The following RERE variants were observed in gnomAD, a reference collection of about 807,000 sequenced individuals.
RERE encodes arginine-glutamic acid dipeptide repeats protein.
In RERE, 40 loss-of-function variants were observed where a neutral mutation model predicts 146.1. The ratio of observed to expected loss-of-function variants is 0.27; its 90% CI spans 0.21 to 0.36. The LOEUF is 0.36. Ranked by LOEUF, RERE falls within the 10% of genes least tolerant of loss-of-function variation. The probability of loss-of-function intolerance (pLI) is 1.00; values close to 1 mark genes in which losing one functional copy is unlikely to be tolerated. For synonymous variants in RERE, 1,003 were observed against 866.0 expected (o/e 1.16, Z -2.78); for missense variants, 1,933 against 2,138.7 (o/e 0.90, Z 1.90).
At chr1:8,550,686 A>G (rs1645923995) in intron 6 of RERE, among the ~76,000 whole-genome samples, 2 of 152,156 alleles carry the variant, frequency 1.3e-5, no homozygotes, top group Admixed American at 6.5e-5. Context: ...ACCTGGGACT[A>G]CAGGCACCAG....
chr1:8,358,125 G>A, intron 20 of RERE, 71 bp downstream of exon 20: 1 of 1,523,242 alleles, frequency 6.6e-7, no homozygotes, highest in South Asian at 1.3e-5. Flanking sequence ...CTCCTGGATG[G>A]TGACTGTCAC....
chr1:8,432,180 G>C (rs1267608618), intron 11 of RERE, among the ~76,000 whole-genome samples: 3 of 152,156 alleles, frequency 2.0e-5, no homozygotes, highest in Non-Finnish European at 2.9e-5. Context: ...CTGCTAGTTA[G>C]TTAACAGCCT....
chr1:8,361,712 C>G (rs1466967878), intron 17 of RERE, 51 bp downstream of exon 17: 1 of 1,506,158 alleles, frequency 6.6e-7, no homozygotes, highest in East Asian at 2.3e-5. Flanking sequence ...CGGCTGGGGG[C>G]TTCTGAAGAA....
intron 1 of RERE, among the ~76,000 whole-genome samples, chr1:8,777,050 T>C (rs556103972): frequency 1.1e-4 from 17 of 152,288 alleles, no homozygotes; most frequent in Non-Finnish European, 1.0e-4. Flanking sequence ...ATACTTTCTT[T>C]TGCTGAATGT....
At position 8,380,053 on chromosome 1, in the gene RERE, C is replaced by T. The variant is rs117077854; in HGVS notation, c.1285-14079G>A. ...CCCCACTCCAACGCCCACCTCACGG[C>T]TGACATGGCATGTGGCAGGAGGAGG... On this transcript the variant is annotated intron_variant, in intron 12 of 22. Coordinates refer to ENST00000400908, the MANE Select transcript of RERE (RefSeq NM_001042681.2). Among the ~76,000 whole-genome samples, 828 of 152,356 alleles carry T rather than the reference C, an allele frequency of 5.4e-3. 26 individuals carry two copies. The highest frequency in any genetic ancestry group is 0.041 in the Admixed American group (628 of 15,306).
chr1:8,543,938 T>G (rs1645828865), intron 6 of RERE, among the ~76,000 whole-genome samples: 1 of 152,340 alleles, frequency 6.6e-6, no homozygotes. Context: ...ATTTAAACAT[T>G]TCACTTTTTT....
chr1:8,496,923 G>A lies in RERE; in HGVS notation c.1004+482C>T, dbSNP rs530969326. On this transcript the variant is annotated intron_variant, in intron 9 of 22. Transcript: ENST00000400908. ...AAGGTCCAGGATACAAGTGCAGAAC[G>A]TGTCGGTTTGTTACATTAGGTATAT... 4.6e-5 allele frequency among the ~76,000 whole-genome samples: 7 copies of A among 152,302 alleles called. No homozygotes were observed. In the South Asian group the frequency reaches 6.2e-4, roughly 14 times the overall value.
At chr1:8,782,595 A>G (rs914843519) in intron 1 of RERE, among the ~76,000 whole-genome samples, 1 of 152,050 alleles carries the variant, frequency 6.6e-6, no homozygotes, top group African/African-American at 2.4e-5. Context: ...TACTACTTTA[A>G]CCTTGGTGTG....
chr1:8,795,555 T>A (rs779792120), intron 1 of RERE, among the ~76,000 whole-genome samples: 58 of 152,296 alleles, frequency 3.8e-4, no homozygotes, highest in Middle Eastern at 3.4e-3. Context: ...GTAGGGCACA[T>A]AATCATACTT....
At chr1:8,408,482 C>G (rs543977787) in intron 12 of RERE, among the ~76,000 whole-genome samples, 1 of 152,164 alleles carries the variant, frequency 6.6e-6, no homozygotes, top group South Asian at 2.1e-4. Flanking sequence ...AGTCAAAAAC[C>G]CAGCATGTGG....
chr1:8,436,334 A>G (rs1211255970), intron 11 of RERE, among the ~76,000 whole-genome samples: 7 of 152,156 alleles, frequency 4.6e-5, no homozygotes, highest in Non-Finnish European at 8.8e-5. Flanking sequence ...AATAAATAAA[A>G]AATAAATAAA....
At chr1:8,513,091 A>G (rs901837528) in intron 7 of RERE, 4 of 152,248 alleles carry the variant, frequency 2.6e-5, no homozygotes, top group Admixed American at 1.3e-4. Flanking sequence ...CTGCCTAAGC[A>G]GCGCCTCCAG....
At chr1:8,540,559 GAATA>G (rs1423512837) in intron 7 of RERE, among the ~76,000 whole-genome samples, 5 of 152,144 alleles carry the variant, frequency 3.3e-5, no homozygotes, top group African/African-American at 1.2e-4. Flanking sequence ...GGGCAAGTAT[GAATA>G]TATACACTCA....
chr1:8,603,938 C>A (rs1350251167), intron 4 of RERE, among the ~76,000 whole-genome samples: 560 of 124,758 alleles, frequency 4.5e-3, no homozygotes, highest in South Asian at 6.4e-3. Flanking sequence ...GACCCTGTCT[C>A]AAAAAAAAAA....
intron 2 of RERE, among the ~76,000 whole-genome samples, chr1:8,652,441 C>T (rs1234755021): frequency 1.3e-5 from 2 of 152,208 alleles, no homozygotes; most frequent in African/African-American, 4.8e-5. Flanking sequence ...TCTCCCTTCA[C>T]ATATTCTTCC....
chr1:8,786,209 T>A, intron 1 of RERE: 1 of 856,692 alleles, frequency 1.2e-6, no homozygotes, highest in Non-Finnish European at 1.9e-6. Flanking sequence ...GGTTCATTCT[T>A]CTAAGAAGCC....
At chr1:8,630,412 A>G (rs561354749) in intron 2 of RERE, among the ~76,000 whole-genome samples, 5 of 152,330 alleles carry the variant, frequency 3.3e-5, no homozygotes, top group African/African-American at 1.2e-4. Flanking sequence ...TTTAAAAAAA[A>G]AAGAAGAGAG....
chr1:8,575,424 C>T (rs920650122), intron 4 of RERE, among the ~76,000 whole-genome samples: 9 of 146,900 alleles, frequency 6.1e-5, no homozygotes, highest in African/African-American at 2.0e-4. Flanking sequence ...TGCTGTTGTC[C>T]AGGCTGGAGT....
At chr1:8,363,940 C>T in intron 15 of RERE, 116 bp downstream of exon 15, 3 of 949,826 alleles carry the variant, frequency 3.2e-6, no homozygotes, top group South Asian at 1.5e-5. Flanking sequence ...AGCTCCCCTC[C>T]AGGACTTTGT....
Sources: allele counts gnomAD v4.1 joint callset (sites outside exome capture counted in the v4.1 genomes callset), GRCh38; gene constraint gnomAD v4.1.1; transcripts MANE v1.5; gene names NCBI Gene and HGNC (gene_info 2026-07-23, HGNC 2026-07-21).